Variants in TAF2 observed in about 807,000 individuals in gnomAD.
TAF2 encodes transcription initiation factor TFIID subunit 2.
In TAF2, 61 loss-of-function variants were observed where a neutral mutation model predicts 138.5. That is an observed-to-expected ratio of 0.44 (90% CI 0.36 to 0.54). The LOEUF (loss-of-function observed/expected upper bound fraction) is 0.54. TAF2 is among the 20% of genes least tolerant of loss of function. The pLI, the probability that TAF2 is intolerant of heterozygous loss-of-function variation, is 0.00. For missense variants in TAF2, 1,090 were observed against 1,427.9 expected, an observed-to-expected ratio of 0.76 and a Z score of 3.81; for synonymous variants, 475 against 469.9, an observed-to-expected ratio of 1.01 and a Z score of -0.14.
At position 119,756,017 on chromosome 8, in the gene TAF2, A is replaced by G; in HGVS notation, c.2867T>C (p.Leu956Pro). ...NEALVDQLWK[L>P]MNSGTSHDWR... The stretch of plus-strand genomic sequence containing the variant: ...CCCTGCTCTCTCACCAGAATTCATA[A>G]GTTTCCAAAGTTGATCTACCAGGGC... The change falls in exon 22 of 26, where the codon CTT becomes CCT. Residue 956 changes from leucine (L) to proline (P), a missense_variant. Around this residue, in one of 3 missense-constraint regions of TAF2, gnomAD observed 580 missense variants for 719.6 expected, o/e 0.81. Transcript: ENST00000378164. 6.2e-7 allele frequency: 1 copy of G among 1,611,368 alleles called. No homozygotes were observed. The highest frequency in any genetic ancestry group is 8.5e-7 in the Non-Finnish European group (1 of 1,177,778).
In TAF2 at chr8:119,735,978, G is replaced by C. The variant is rs16893065; in HGVS notation, c.3338-3792C>G. Among the ~76,000 whole-genome samples the C allele has an allele frequency of 4.5e-4, 68 of 152,272 alleles. 1 individual carries two copies. In the East Asian group the frequency reaches 0.011, roughly 25 times the overall value. Reference sequence around the variant, plus strand: ...TTTGCAGCTTTCTTGTTGGCTGTCTGCACTCTTGGGAGCTTGAGGTTCTCT... The same window carrying C: ...TTTGCAGCTTTCTTGTTGGCTGTCTCCACTCTTGGGAGCTTGAGGTTCTCT... On this transcript the variant is annotated intron_variant, in intron 25 of 25. Coordinates refer to ENST00000378164, the MANE Select transcript of TAF2 (RefSeq NM_003184.4).
chr8:119,808,868 C>T (rs1247054824), intron 3 of TAF2, among the ~76,000 whole-genome samples: 1 of 152,186 alleles, frequency 6.6e-6, no homozygotes, highest in East Asian at 1.9e-4. Flanking sequence ...CTGTGAACAC[C>T]TGTTGTCATC....
chr8:119,789,996 T>A (rs545082457), intron 11 of TAF2, among the ~76,000 whole-genome samples: 2 of 152,056 alleles, frequency 1.3e-5, no homozygotes, highest in Non-Finnish European at 2.9e-5. Context: ...TTAAGAATTA[T>A]AGTAAGAATA....
chr8:119,802,546 C>T (rs1415867101), intron 5 of TAF2, among the ~76,000 whole-genome samples: 13 of 152,122 alleles, frequency 8.5e-5, no homozygotes, highest in Admixed American at 8.5e-4. Flanking sequence ...TGTTACGTGA[C>T]AGGGTAGGTA....
At chr8:119,764,372 C>T (rs1821285867) in intron 18 of TAF2, among the ~76,000 whole-genome samples, 1 of 152,100 alleles carries the variant, frequency 6.6e-6, no homozygotes. Flanking sequence ...ACTATAAAAA[C>T]TGATTAGCCT....
Position 119,762,808 on chromosome 8 carries a change from T to C in TAF2, c.2365-200A>G, listed in dbSNP as rs1320334358. 1.1e-5 allele frequency: 5 copies of C among 464,928 alleles called. No homozygotes were observed. In the East Asian group the frequency reaches 1.9e-4, roughly 17 times the overall value. The allele number at this position is 464,928 out of a possible 1,614,324, so 28.8% of individuals were successfully genotyped here. A position where few individuals can be genotyped will look rare whatever the true frequency, so the allele number is the denominator to read the frequency against. The stretch of plus-strand genomic sequence containing the variant: ...TAAGAGATTCACTATAACAATACAT[T>C]AGTTTACTGATGGAAAACTAATGAT... On this transcript the variant is annotated intron_variant, in intron 18 of 25. Coordinates refer to ENST00000378164, the MANE Select transcript of TAF2 (RefSeq NM_003184.4).
chr8:119,788,360 G>T lies in TAF2; in HGVS notation c.1771C>A (p.Pro591Thr). ...IEENSLKHDI[P>T]CHSKSRRNKK... ...TACCTTCTACTTTTGGAATGGCAGG[G>T]TATATCATGTTTAAGGCTGTTTTCT... Residue 591 changes from proline to threonine, a missense_variant, in exon 14 of 26, where the codon CCC (proline) becomes ACC (threonine). Physicochemically the swap from Pro to Thr is conservative, Grantham distance 38 (BLOSUM62 -1). Around this residue, in one of 3 missense-constraint regions of TAF2, gnomAD observed 6 missense variants for 27.3 expected, o/e 0.22. Transcript: ENST00000378164. 6.2e-7 allele frequency: 1 copy of T among 1,613,088 alleles called. No individual in the cohort carries two copies. The highest frequency in any genetic ancestry group is 8.5e-7 in the Non-Finnish European group (1 of 1,179,540).
intron 22 of TAF2, among the ~76,000 whole-genome samples, chr8:119,748,135 A>G (rs1004277986): frequency 3.3e-5 from 5 of 151,690 alleles, no homozygotes; most frequent in Non-Finnish European, 7.4e-5. Context: ...AAAAATAAAG[A>G]AAGGAAGGAA....
intron 2 of TAF2, 149 bp downstream of exon 2, chr8:119,831,528 G>T: frequency 1.9e-6 from 1 of 535,762 alleles, no homozygotes; most frequent in Non-Finnish European, 3.3e-6. Flanking sequence ...CATGGAACTT[G>T]TAATCATACA....
At chr8:119,816,740 T>G (rs763547360) in intron 3 of TAF2, among the ~76,000 whole-genome samples, 7 of 152,232 alleles carry the variant, frequency 4.6e-5, no homozygotes, top group Admixed American at 2.0e-4. Flanking sequence ...ATAATTGGTG[T>G]GTTTTTGTCA....
intron 2 of TAF2, among the ~76,000 whole-genome samples, chr8:119,829,355 C>A (rs986590444): frequency 6.6e-6 from 1 of 152,122 alleles, no homozygotes; most frequent in African/African-American, 2.4e-5. Flanking sequence ...TACAAGGTGA[C>A]CCATTCCATG....
chr8:119,796,701 C>T (rs774485272), intron 8 of TAF2, among the ~76,000 whole-genome samples: 7 of 151,910 alleles, frequency 4.6e-5, no homozygotes, highest in South Asian at 2.1e-4. Flanking sequence ...ATTGATTTCA[C>T]GGCCAAAAAG....
At chr8:119,831,109 AAAACAAAC>A (rs758453602) in intron 2 of TAF2, among the ~76,000 whole-genome samples, 1 of 152,176 alleles carries the variant, frequency 6.6e-6, no homozygotes. Flanking sequence ...TCTGTCTCCA[AAAACAAAC>A]AAACAAACAA....
At chr8:119,782,762 C>G (rs537363658) in intron 16 of TAF2, among the ~76,000 whole-genome samples, 1 of 152,080 alleles carries the variant, frequency 6.6e-6, no homozygotes, top group Admixed American at 6.6e-5. Flanking sequence ...TATAGTCTAC[C>G]ATTCTAAGTT....
At chr8:119,764,235 G>A (rs1821274417) in intron 18 of TAF2, among the ~76,000 whole-genome samples, 1 of 152,070 alleles carries the variant, frequency 6.6e-6, no homozygotes, top group Non-Finnish European at 1.5e-5. Flanking sequence ...CTATGTTTTG[G>A]CATAAGGCAT....
chr8:119,832,075 C>G (rs1417917360), intron 1 of TAF2, among the ~76,000 whole-genome samples: 1 of 152,074 alleles, frequency 6.6e-6, no homozygotes, highest in Non-Finnish European at 1.5e-5. Flanking sequence ...AGGAGAAAAG[C>G]TTGAACCCGG....
Position 119,832,715 on chromosome 8 carries a change from T to TG in TAF2, c.-152dup. ...CCAGGTGAGCGACCTGACGGGTCGC[T>TG]GCCCGCCTCAACCTCGCTCCTTCGA... On this transcript the variant is annotated 5_prime_UTR_variant, in exon 1 of 26. Transcript: ENST00000378164. 1 of 630,652 alleles carries TG rather than the reference T, an allele frequency of 1.6e-6. No homozygotes were observed. The highest frequency in any genetic ancestry group is 2.6e-6 in the Non-Finnish European group (1 of 380,152). 39.1% of individuals were successfully genotyped at this position (630,652 alleles called of 1,614,324 possible).
intron 10 of TAF2, among the ~76,000 whole-genome samples, chr8:119,792,831 T>C (rs1823536664): frequency 6.6e-6 from 1 of 152,128 alleles, no homozygotes; most frequent in South Asian, 2.1e-4. Flanking sequence ...AGCAACTAGG[T>C]GCCAACTAGG....
intron 18 of TAF2, among the ~76,000 whole-genome samples, chr8:119,774,912 A>G (rs1319661377): frequency 6.6e-6 from 1 of 152,086 alleles, no homozygotes; most frequent in Non-Finnish European, 1.5e-5. Context: ...TGCAACATAC[A>G]TGGTAAAAAC....
Sources: allele counts gnomAD v4.1 joint callset (sites outside exome capture counted in the v4.1 genomes callset), GRCh38; gene constraint gnomAD v4.1.1; regional missense constraint gnomAD v4.1.1; transcripts MANE v1.5; gene names NCBI Gene and HGNC (gene_info 2026-07-23, HGNC 2026-07-21).